EFR3B: variants seen among roughly 807,000 people sequenced by gnomAD.
The protein encoded by EFR3B is EFR3 homolog B.
Under a neutral mutation model 104.7 loss-of-function variants are expected in EFR3B, and 64 were observed. That is an observed-to-expected ratio of 0.61 (90% CI 0.50 to 0.75). The LOEUF (loss-of-function observed/expected upper bound fraction) is 0.75, where lower values mean the gene tolerates loss of function less well. Among genes scored for constraint, EFR3B ranks in the 30% least tolerant of loss-of-function variants. The pLI is 0.00. For missense variants in EFR3B, 750 were observed against 1,078.5 expected, an observed-to-expected ratio of 0.70 and a Z score of 4.27; for synonymous variants, 385 against 417.9, an observed-to-expected ratio of 0.92 and a Z score of 0.96.
chr2:25,131,434 G>A lies in EFR3B; in HGVS notation c.916G>A (p.Ala306Thr), dbSNP rs1332715840. The A allele has an allele frequency of 6.4e-7, 1 of 1,550,814 alleles. No homozygotes were observed. Among genetic ancestry groups the A allele is most frequent in the South Asian group, 1.2e-5 (1 of 84,052 alleles). ...CCTGGACGCCAACAGCCGCAGCGCT[G>A]CGACGGTGCGCGCGGGCATCGTGGA... ...GHLDANSRSA[A>T]TVRAGIVEVL... Residue 306 changes from alanine to threonine, a missense_variant, in exon 9 of 23, where the codon GCG becomes ACG. Transcript: ENST00000403714. The surrounding 1 kb of genome is among the most constrained non-coding windows in gnomAD (Gnocchi z 7.6).
At chr2:25,088,129 G>T (rs762444295) in intron 1 of EFR3B, among the ~76,000 whole-genome samples, 1 of 151,200 alleles carries the variant, frequency 6.6e-6, no homozygotes, top group Non-Finnish European at 1.5e-5. Flanking sequence ...TTCCCCTACC[G>T]CATGGCAGCC....
At chr2:25,071,647 A>G (rs1381270509) in intron 1 of EFR3B, among the ~76,000 whole-genome samples, 1 of 152,208 alleles carries the variant, frequency 6.6e-6, no homozygotes, top group Non-Finnish European at 1.5e-5. Context: ...GCAGTTGGGT[A>G]TATACCTTTC....
rs1670017653 is a variant in EFR3B, at chr2:25,121,653, C to G, written c.364-20C>G. ...GGTGGGTCACCTCTCTCGTGTGTTT[C>G]TCTCCTTCCTCCCTGATAGTTTGTG... On this transcript the variant is annotated intron_variant, in intron 4 of 22. Transcript: ENST00000403714. The G allele has an allele frequency of 6.4e-7, 1 of 1,551,530 alleles. No individual in the cohort carries two copies. The highest frequency in any genetic ancestry group is 2.0e-5 in the Admixed American group (1 of 50,984).
intron 6 of EFR3B, among the ~76,000 whole-genome samples, chr2:25,128,654 G>A (rs980151655): frequency 2.0e-5 from 3 of 152,156 alleles, no homozygotes; most frequent in African/African-American, 7.2e-5. Flanking sequence ...CAGGGCCAAG[G>A]AGGCTTTAAG....
At chr2:25,055,545 T>C (rs1667992691) in intron 1 of EFR3B, among the ~76,000 whole-genome samples, 2 of 152,212 alleles carry the variant, frequency 1.3e-5, no homozygotes, top group South Asian at 2.1e-4. Context: ...TCTTGAATCT[T>C]AGCTTGGCAG....
chr2:25,104,578 C>T (rs1669512046), intron 4 of EFR3B, among the ~76,000 whole-genome samples: 1 of 152,106 alleles, frequency 6.6e-6, no homozygotes, highest in Non-Finnish European at 1.5e-5. Flanking sequence ...CAGGAAGAAC[C>T]CAGGGCTCTC....
In EFR3B at chr2:25,130,717, C is replaced by A; in HGVS notation, c.849+87C>A. The A allele has an allele frequency of 8.1e-7, 1 of 1,237,958 alleles. No homozygotes were observed. Among genetic ancestry groups the A allele is most frequent in the Non-Finnish European group, 1.2e-6 (1 of 864,252 alleles). 76.7% of individuals were successfully genotyped at this position (1,237,958 alleles called of 1,614,324 possible). A position where few individuals can be genotyped will look rare whatever the true frequency, so the allele number is the denominator to read the frequency against. On this transcript the variant is annotated intron_variant, in intron 8 of 22. Transcript: ENST00000403714. This position sits in a 1 kb window ranked among gnomAD's most constrained non-coding sequence, Gnocchi z 4.6. ...GGTGCTAAAATAGAAAGCCAGAAGT[C>A]CCCTGTGACTCCTCCGAAGCCCCCA...
intron 6 of EFR3B, among the ~76,000 whole-genome samples, chr2:25,129,350 GGGGCGT>G (rs1290888611): frequency 3.1e-4 from 37 of 118,208 alleles, no homozygotes; most frequent in African/African-American, 1.8e-3. Flanking sequence ...GGGCGGGGGC[GGGGCGT>G]GGGGTGGGGC....
At chr2:25,050,826 G>A (rs992627906) in intron 1 of EFR3B, among the ~76,000 whole-genome samples, 5 of 152,228 alleles carry the variant, frequency 3.3e-5, no homozygotes, top group South Asian at 4.1e-4. Flanking sequence ...TGCCTAGGAC[G>A]AATACAGCTT....
intron 1 of EFR3B, among the ~76,000 whole-genome samples, chr2:25,055,090 T>C (rs779178277): frequency 7.2e-5 from 11 of 152,240 alleles, no homozygotes; most frequent in Non-Finnish European, 1.3e-4. Flanking sequence ...CATCATTGTT[T>C]CTGTGGTTGG....
At chr2:25,112,917 T>C (rs1669760248) in intron 4 of EFR3B, among the ~76,000 whole-genome samples, 1 of 152,186 alleles carries the variant, frequency 6.6e-6, no homozygotes, top group Non-Finnish European at 1.5e-5. Context: ...GGCTATCTTC[T>C]GTTTGGAGAG....
intron 19 of EFR3B, 58 bp from the exon 20 acceptor site, chr2:25,149,636 G>A: frequency 1.3e-6 from 2 of 1,524,876 alleles, no homozygotes; most frequent in Non-Finnish European, 1.8e-6. Context: ...GGGGTGCCAG[G>A]GCTGCCTCCT....
At chr2:25,115,184 G>A (rs1992153) in intron 4 of EFR3B, among the ~76,000 whole-genome samples, 39,890 of 151,964 alleles carry the variant, frequency 0.26, 7,142 homozygotes, top group East Asian at 0.79. Context: ...ACTGTCTCAA[G>A]AAAAAGAAAA....
chr2:25,051,074 C>T (rs1312091428), intron 1 of EFR3B, among the ~76,000 whole-genome samples: 1 of 152,062 alleles, frequency 6.6e-6, no homozygotes, highest in Admixed American at 6.6e-5. Context: ...CTCATGGAGG[C>T]TCCACCCCCC....
At chr2:25,086,919 T>C (rs1668967144) in intron 1 of EFR3B, among the ~76,000 whole-genome samples, 2 of 152,166 alleles carry the variant, frequency 1.3e-5, no homozygotes, top group African/African-American at 4.8e-5. Flanking sequence ...TATTTTCTTA[T>C]TGTTTAGTTT....
chr2:25,057,781 G>A (rs1049732123), intron 1 of EFR3B, among the ~76,000 whole-genome samples: 19 of 39,006 alleles, frequency 4.9e-4, no homozygotes, highest in African/African-American at 1.8e-3. Flanking sequence ...GCAAAACTCC[G>A]TCAAAAAAAA....
chr2:25,147,674 A>G (rs1670855312), intron 19 of EFR3B: 1 of 152,148 alleles, frequency 6.6e-6, no homozygotes, highest in South Asian at 2.1e-4. Context: ...CTTTATATCA[A>G]TGAAATCATT....
chr2:25,046,838 G>T (rs1373858783), intron 1 of EFR3B, among the ~76,000 whole-genome samples: 3 of 152,132 alleles, frequency 2.0e-5, no homozygotes, highest in Non-Finnish European at 4.4e-5. Flanking sequence ...AATCTCCATA[G>T]ACTCCCTGCT....
chr2:25,051,537 G>A (rs757317949), intron 1 of EFR3B, among the ~76,000 whole-genome samples: 1 of 151,770 alleles, frequency 6.6e-6, no homozygotes, highest in East Asian at 1.9e-4. Context: ...TTAATTCACC[G>A]CATGGCCATT....
Sources: gnomAD v4.1 joint callset for allele counts (sites outside exome capture counted in the v4.1 genomes callset) on GRCh38, gnomAD v4.1.1 for gene constraint, Gnocchi (gnomAD v3.1) non-coding constraint, MANE v1.5 for transcripts, NCBI Gene and HGNC (gene_info 2026-07-23, HGNC 2026-07-21) for gene names.